BASP1: variants seen among roughly 807,000 people sequenced by gnomAD.
BASP1 encodes the protein brain abundant membrane attached signal protein 1.
In BASP1, 1 loss-of-function variant was observed where a neutral mutation model predicts 2.2. That is an observed-to-expected ratio of 0.46 (90% confidence interval 0.16 to 2.17). BASP1 has a LOEUF of 2.17. Among genes scored for constraint, BASP1 ranks in the 30% most tolerant of loss-of-function variants. The pLI, the probability that BASP1 is intolerant of heterozygous loss-of-function variation, is 0.27. For missense variants in BASP1, 352 were observed against 327.2 expected (o/e 1.08, Z -0.58); for synonymous variants, 187 against 154.2 (o/e 1.21, Z -1.58).
intron 1 of BASP1, among the ~76,000 whole-genome samples, chr5:17,221,511 T>G (rs181832448): frequency 6.6e-6 from 1 of 152,258 alleles, no homozygotes; most frequent in Admixed American, 6.5e-5. Flanking sequence ...TACCTACTTA[T>G]TTCACATCTT....
chr5:17,272,517 T>G (rs1740550352), intron 1 of BASP1, among the ~76,000 whole-genome samples: 1 of 152,162 alleles, frequency 6.6e-6, no homozygotes, highest in African/African-American at 2.4e-5. Context: ...TATTTATGAG[T>G]AGGATTGTGC....
In BASP1 at chr5:17,270,811, A is replaced by G. The variant is rs142499866; in HGVS notation, c.-9-4397A>G. On this transcript the variant is annotated intron_variant, in intron 1 of 1. Transcript: ENST00000322611. ...AAATGTTGTACTCACATGGCCTCAC[A>G]TTAAATTCCCATTAAATTGACATTT... 8.4e-3 allele frequency among the ~76,000 whole-genome samples: 1,278 copies of G among 152,346 alleles called. 16 individuals are homozygous for G. Among genetic ancestry groups the G allele is most frequent in the Non-Finnish European group, 0.013 (902 of 68,028 alleles).
rs2126524038 is a variant in BASP1, at chr5:17,275,524, C to T, written c.308C>T (p.Ala103Val). The T allele has an allele frequency of 2.1e-6, 3 of 1,435,808 alleles. No individual in the cohort carries two copies. Among genetic ancestry groups the T allele is most frequent in the African/African-American group, 1.5e-5 (1 of 66,518 alleles). 88.9% of individuals were successfully genotyped at this position (1,435,808 alleles called of 1,614,324 possible). ...AAEAKAEPPKAPEQEQAAPGP... is the reference protein window; with the variant it reads ...AAEAKAEPPKVPEQEQAAPGP... ...GAGGCCAAGGCTGAGCCCCCGAAGG[C>T]GCCCGAGCAGGAGCAGGCGGCCCCC... is the stretch of plus-strand genomic sequence containing the variant. Residue 103 changes from alanine to valine, a missense_variant, in exon 2 of 2, where the codon GCG becomes GTG. Ala to Val is a moderately conservative substitution (Grantham distance 64, BLOSUM62 0). Transcript: ENST00000322611. This position sits in a 1 kb window ranked among gnomAD's most constrained non-coding sequence, Gnocchi z 5.3.
At chr5:17,267,984 A>G (rs1740451045) in intron 1 of BASP1, among the ~76,000 whole-genome samples, 1 of 152,064 alleles carries the variant, frequency 6.6e-6, no homozygotes, top group South Asian at 2.1e-4. Context: ...GACAGTGATT[A>G]GTAGATGTAT....
At chr5:17,240,891 T>G (rs977834542) in intron 1 of BASP1, among the ~76,000 whole-genome samples, 2 of 152,198 alleles carry the variant, frequency 1.3e-5, no homozygotes, top group African/African-American at 4.8e-5. Flanking sequence ...ATTTTGATCT[T>G]AAGTTGGAAA....
intron 1 of BASP1, among the ~76,000 whole-genome samples, chr5:17,272,186 G>A (rs1256575026): frequency 5.3e-5 from 8 of 152,048 alleles, no homozygotes; most frequent in African/African-American, 1.4e-4. Context: ...AATGTTGAGA[G>A]GCAGAGGATA....
Position 17,276,041 on chromosome 5 carries a change from T to A in BASP1, c.*141T>A, listed in dbSNP as rs934196797. ...TCTCTCTCTCTCCTATACTAACTTG[T>A]TTCAAATTGGAAGTAATGATATGTA... On this transcript the variant is annotated 3_prime_UTR_variant, in exon 2 of 2. Transcript: ENST00000322611. 3.4e-5 allele frequency: 24 copies of A among 710,546 alleles called. No homozygotes were observed. The highest frequency in any genetic ancestry group is 4.7e-5 in the Non-Finnish European group (23 of 490,274). The allele number at this position is 710,546 out of a possible 1,614,324, so 44.0% of individuals were successfully genotyped here.
chr5:17,276,043 T>G lies in BASP1; in HGVS notation c.*143T>G. 2.9e-6 allele frequency: 2 copies of G among 685,564 alleles called. No individual in the cohort carries two copies. Among genetic ancestry groups the G allele is most frequent in the Non-Finnish European group, 4.2e-6 (2 of 473,426 alleles). 42.5% of individuals were successfully genotyped at this position (685,564 alleles called of 1,614,324 possible). Reference sequence around the variant, plus strand: ...TCTCTCTCTCCTATACTAACTTGTTTCAAATTGGAAGTAATGATATGTATT... The same window carrying G: ...TCTCTCTCTCCTATACTAACTTGTTGCAAATTGGAAGTAATGATATGTATT... On this transcript the variant is annotated 3_prime_UTR_variant, in exon 2 of 2. Coordinates refer to ENST00000322611, the MANE Select transcript of BASP1 (RefSeq NM_006317.5).
chr5:17,235,572 G>GT (rs1739726280), intron 1 of BASP1, among the ~76,000 whole-genome samples: 1 of 152,060 alleles, frequency 6.6e-6, no homozygotes, highest in Admixed American at 6.6e-5. Flanking sequence ...TGCTCTTTAT[G>GT]TTTTTTCATA....
intron 1 of BASP1, among the ~76,000 whole-genome samples, chr5:17,243,849 C>T (rs938133371): frequency 6.6e-6 from 1 of 152,200 alleles, no homozygotes; most frequent in African/African-American, 2.4e-5. Flanking sequence ...TGCTTGTCCA[C>T]TGCCAGCAGA....
chr5:17,224,662 G>A (rs1159163737), intron 1 of BASP1, among the ~76,000 whole-genome samples: 1 of 152,214 alleles, frequency 6.6e-6, no homozygotes, highest in African/African-American at 2.4e-5. Flanking sequence ...AGTGAATGGA[G>A]ACTAATACCT....
At chr5:17,263,297 T>C (rs1197596585) in intron 1 of BASP1, among the ~76,000 whole-genome samples, 1 of 152,074 alleles carries the variant, frequency 6.6e-6, no homozygotes, top group Non-Finnish European at 1.5e-5. Context: ...TTTTAACATT[T>C]CTTTTCTTTC....
At chr5:17,264,492 A>G (rs1203303591) in intron 1 of BASP1, among the ~76,000 whole-genome samples, 1 of 152,264 alleles carries the variant, frequency 6.6e-6, no homozygotes, top group East Asian at 1.9e-4. Context: ...GCTCTGAATT[A>G]GTAGATGATA....
At chr5:17,244,517 C>A (rs1402956653) in intron 1 of BASP1, among the ~76,000 whole-genome samples, 1 of 152,080 alleles carries the variant, frequency 6.6e-6, no homozygotes, top group African/African-American at 2.4e-5. Context: ...TACAACTCTG[C>A]ATTTTAGGGG....
chr5:17,268,290 T>C (rs1740459069), intron 1 of BASP1, among the ~76,000 whole-genome samples: 1 of 152,216 alleles, frequency 6.6e-6, no homozygotes, highest in African/African-American at 2.4e-5. Flanking sequence ...TCATAATTTA[T>C]TTTTTTCTTA....
chr5:17,269,394 A>AGGTGTAGGCAAAAAAGGACCAGGCT (rs1740487580), intron 1 of BASP1, among the ~76,000 whole-genome samples: 6 of 152,176 alleles, frequency 3.9e-5, no homozygotes, highest in Non-Finnish European at 8.8e-5. Context: ...GTTTCCTGGC[A>AGGTGTAGGCAAAAAAGGACCAGGCT]GGTGTAGGCA....
Position 17,275,345 on chromosome 5 carries a change from G to A in BASP1, c.129G>A (p.Gln43=). Residue 43 remains glutamine, a synonymous_variant, in exon 2 of 2, where the codon CAG becomes CAA. Transcript: ENST00000322611. This position sits in a 1 kb window ranked among gnomAD's most constrained non-coding sequence, Gnocchi z 5.3. The stretch of plus-strand genomic sequence containing the variant: ...GGACCCCGAAGGAGAGTGAGCCCCA[G>A]GCGGCCGCAGAGCCCGCCGAGGCCA... ...EEGTPKESEP[Q]AAAEPAEAKE... The A allele has an allele frequency of 1.2e-6, 2 of 1,606,390 alleles. No individual in the cohort carries two copies. The highest frequency in any genetic ancestry group is 1.7e-6 in the Non-Finnish European group (2 of 1,176,792).
At chr5:17,217,069 A>AGAGAGAGAGT (rs1554025502), upstream of BASP1, 1 of 119,876 alleles carries the variant, frequency 8.3e-6, no homozygotes, top group Non-Finnish European at 1.7e-5. Context: ...AGAGAGAGAG[A>AGAGAGAGAGT]GTGAGAGAGA....
intron 1 of BASP1, among the ~76,000 whole-genome samples, chr5:17,250,024 C>A (rs2126506723): frequency 6.6e-6 from 1 of 152,148 alleles, no homozygotes; most frequent in Middle Eastern, 3.4e-3. Flanking sequence ...CTCACTGTAA[C>A]CTCCGCCTCT....
Sources: allele counts gnomAD v4.1 joint callset (sites outside exome capture counted in the v4.1 genomes callset), GRCh38; gene constraint gnomAD v4.1.1; non-coding constraint Gnocchi (gnomAD v3.1); transcripts MANE v1.5; gene names NCBI Gene and HGNC (gene_info 2026-07-23, HGNC 2026-07-21).